COL6A6: variants seen among roughly 807,000 people sequenced by gnomAD.
The protein encoded by COL6A6 is collagen alpha-6(VI) chain.
COL6A6 carries 183 observed loss-of-function variants against 208.6 expected under a neutral mutation model. That is an observed-to-expected ratio of 0.88 (90% confidence interval 0.78 to 0.99). COL6A6 has a LOEUF of 0.99. Ranked by LOEUF, COL6A6 falls within the 50% of genes least tolerant of loss-of-function variation. The pLI is 0.00. For synonymous variants in COL6A6, 973 were observed against 1,011.8 expected (o/e 0.96, Z 0.73); for missense variants, 2,816 against 2,815.2 (o/e 1.00, Z -0.01).
chr3:130,620,402 T>A (rs7651359), intron 23 of COL6A6, among the ~76,000 whole-genome samples: 57,509 of 152,024 alleles, frequency 0.38, 14,250 homozygotes, highest in African/African-American at 0.68. Flanking sequence ...AGACCATGGT[T>A]ACTTGGTGTG....
At position 130,634,263 on chromosome 3, in the gene COL6A6, A is replaced by T. The variant is rs1295196378; in HGVS notation, c.4993-327A>T. 4.9e-5 allele frequency among the ~76,000 whole-genome samples: 3 copies of T among 60,870 alleles called. No individual in the cohort carries two copies. The African/African-American group carries it at 7.4e-4, about 15-fold the overall frequency. The allele number at this position is 60,870 out of a possible 152,430, so 39.9% of individuals were successfully genotyped here. ...TAAATAAAAAAAAAAAAAAAAAAAA[A>T]AAAGATCGTGTCAGAGACACATGGC... On this transcript the variant is annotated intron_variant, in intron 26 of 36. Transcript: ENST00000358511.
Position 130,581,778 on chromosome 3 carries a change from G to A in COL6A6, c.3765G>A (p.Glu1255=). 2.5e-6 allele frequency: 4 copies of A among 1,613,880 alleles called. No homozygotes were observed. The highest frequency in any genetic ancestry group is 2.2e-5 in the South Asian group (2 of 91,078). The change falls in exon 9 of 37, where the codon GAG becomes GAA. Residue 1255 remains glutamate (E), a synonymous_variant. Coordinates refer to ENST00000358511, the MANE Select transcript of COL6A6 (RefSeq NM_001102608.3). ...TGGAAAAATATTCTCCCAAGTTTGA[G>A]ATCTACAGTGAAAACATACTGAATA... ...NAMEKYSPKF[E]IYSENILNSL...
chr3:130,553,116 A>C (rs909278576), intron 1 of COL6A6, among the ~76,000 whole-genome samples: 1 of 151,902 alleles, frequency 6.6e-6, no homozygotes, highest in Admixed American at 6.6e-5. Context: ...TCTGATGACT[A>C]TGTGTCTTGG....
chr3:130,608,438 C>T (rs537909213), intron 21 of COL6A6, among the ~76,000 whole-genome samples: 1 of 152,168 alleles, frequency 6.6e-6, no homozygotes, highest in East Asian at 1.9e-4. Context: ...TAATTCTTGT[C>T]TGTGACAGAA....
At chr3:130,573,523 T>A (rs1372363898) in intron 7 of COL6A6, among the ~76,000 whole-genome samples, 1 of 151,778 alleles carries the variant, frequency 6.6e-6, no homozygotes, top group Non-Finnish European at 1.5e-5. Context: ...TAGCATAAGA[T>A]AAGAAACCAC....
rs2063437235 is a variant in COL6A6, at chr3:130,582,042, A to G, written c.3944A>G (p.Gln1315Arg). The G allele has an allele frequency of 3.7e-6, 6 of 1,605,822 alleles. No individual in the cohort carries two copies. The highest frequency in any genetic ancestry group is 5.1e-6 in the Non-Finnish European group (6 of 1,174,398). Residue 1315 changes from glutamine to arginine, a missense_variant, in exon 10 of 37, where the codon CAA becomes CGA. Gln to Arg is a conservative substitution (Grantham distance 43). Coordinates refer to ENST00000358511, the MANE Select transcript of COL6A6 (RefSeq NM_001102608.3). ...GATGATGATGTTGAGAAACTTGAAC[A>G]AAAATCTGATGAACTTAGAAAAGAA... is the stretch of plus-strand genomic sequence containing the variant. ...GLDDDVEKLEQKSDELRKEGL... is the reference protein window; with the variant it reads ...GLDDDVEKLERKSDELRKEGL...
At chr3:130,622,714 G>A (rs183024768) in intron 24 of COL6A6, among the ~76,000 whole-genome samples, 97 of 152,014 alleles carry the variant, frequency 6.4e-4, no homozygotes, top group African/African-American at 2.1e-3. Context: ...AAATTTAGCC[G>A]GGCGAGGTGG....
intron 22 of COL6A6, among the ~76,000 whole-genome samples, chr3:130,609,713 G>C (rs1249159234): frequency 1.3e-5 from 2 of 152,106 alleles, no homozygotes; most frequent in African/African-American, 4.8e-5. Context: ...GCATAGGCAG[G>C]ACAATCAACG....
rs764209870 is a variant in COL6A6 at position 130,581,667 on chromosome 3, A to G, written c.3654A>G (p.Leu1218=). ...TGGAAACCTACCTTCAAGACATCTT[A>G]CGTGCCATCAGCTCCCTCAATGGAG... is the stretch of plus-strand genomic sequence containing the variant. ...PWMETYLQDI[L]RAISSLNGVS... is the part of the protein sequence containing the mutation. Residue 1218 remains leucine, a synonymous_variant, in exon 9 of 37, where the codon TTA becomes TTG. Transcript: ENST00000358511. 4.8e-5 allele frequency: 77 copies of G among 1,613,892 alleles called. No individual in the cohort carries two copies. In the Admixed American group the frequency reaches 1.3e-3, roughly 27 times the overall value.
Position 130,591,187 on chromosome 3 carries a change from G to A in COL6A6, c.4272+93G>A, listed in dbSNP as rs140023656. ...CAATTCAGGGGGAAGCAAGAAAGGTGAGATTCTAAGGATTCGTGTACAGAA... is the reference window on the plus strand; with the variant it reads ...CAATTCAGGGGGAAGCAAGAAAGGTAAGATTCTAAGGATTCGTGTACAGAA... On this transcript the variant is annotated intron_variant, in intron 13 of 36. Transcript: ENST00000358511. The A allele has an allele frequency of 3.7e-3, 3,358 of 902,432 alleles. 13 individuals are homozygous for A. The highest frequency in any genetic ancestry group is 5.4e-3 in the Non-Finnish European group (3,013 of 562,636). The allele number at this position is 902,432 out of a possible 1,614,324, so 55.9% of individuals were successfully genotyped here.
At chr3:130,519,372 AATAT>A (rs777114067) in intron 1 of COL6A6, among the ~76,000 whole-genome samples, 4 of 152,180 alleles carry the variant, frequency 2.6e-5, no homozygotes, top group African/African-American at 4.8e-5. Flanking sequence ...ACCCCCTGCA[AATAT>A]ATAAAAGTGA....
chr3:130,638,412 C>T (rs2065216852), intron 28 of COL6A6, among the ~76,000 whole-genome samples: 1 of 152,216 alleles, frequency 6.6e-6, no homozygotes. Context: ...TTAATCCCAA[C>T]GCAGAGCCTT....
intron 1 of COL6A6, among the ~76,000 whole-genome samples, chr3:130,545,493 G>A (rs368519229): frequency 6.0e-4 from 83 of 138,506 alleles, no homozygotes; most frequent in South Asian, 3.8e-3. Context: ...CTCTCTTGTC[G>A]CCCAGGCTGG....
chr3:130,576,643 AT>A (rs1239527015), intron 8 of COL6A6, among the ~76,000 whole-genome samples: 1 of 136,652 alleles, frequency 7.3e-6, no homozygotes, highest in Non-Finnish European at 1.6e-5. Flanking sequence ...GTAATGAGTT[AT>A]TTTTTAAATA....
At chr3:130,549,939 T>C (rs2062605290) in intron 1 of COL6A6, among the ~76,000 whole-genome samples, 1 of 152,224 alleles carries the variant, frequency 6.6e-6, no homozygotes, top group African/African-American at 2.4e-5. Flanking sequence ...GCTAGTTTGA[T>C]AGGAATACCA....
Position 130,642,872 on chromosome 3 carries a change from G to A in COL6A6, c.5190+5G>A, listed in dbSNP as rs369574051. 123 of 1,613,800 alleles carry A rather than the reference G, an allele frequency of 7.6e-5. No individual in the cohort carries two copies. The highest frequency in any genetic ancestry group is 4.9e-4 in the African/African-American group (37 of 75,022). On this transcript the variant is annotated splice_donor_5th_base_variant and intron_variant, in intron 30 of 36. Transcript: ENST00000358511. ...AAAGGCTTGGCTTCATTTTCTGTAC[G>A]TATCTCCCGACTACAACAGAGTGCT...
intron 29 of COL6A6, 53 bp downstream of exon 29, chr3:130,641,767 AAGTC>A: frequency 2.8e-6 from 3 of 1,087,396 alleles, no homozygotes; most frequent in South Asian, 1.6e-5. Flanking sequence ...AAAAAAAAAA[AAGTC>A]AGTGCATGAA....
In COL6A6 at chr3:130,661,852, G is replaced by C; in HGVS notation, c.6046G>C (p.Ala2016Pro). 1 of 1,613,920 alleles carries C rather than the reference G, an allele frequency of 6.2e-7. No homozygotes were observed. The highest frequency in any genetic ancestry group is 1.1e-5 in the South Asian group (1 of 91,058). ...TGDRVALLSH[A>P]PPDFLPNTQK... ...AGACCGGGTGGCCCTATTGAGCCAT[G>C]CTCCCCCCGACTTCCTACCCAACAC... The change falls in exon 35 of 37, where the codon GCT (alanine) becomes CCT (proline). Residue 2016 changes from alanine to proline, a missense_variant. Physicochemically the swap from Ala to Pro is conservative, Grantham distance 27. Transcript: ENST00000358511.
chr3:130,590,830 G>A (rs2063695116), intron 12 of COL6A6, among the ~76,000 whole-genome samples: 1 of 151,784 alleles, frequency 6.6e-6, no homozygotes, highest in Non-Finnish European at 1.5e-5. Context: ...GCCTCCCAAA[G>A]TGCTGGAATT....
Sources: allele counts gnomAD v4.1 joint callset (sites outside exome capture counted in the v4.1 genomes callset), GRCh38; gene constraint gnomAD v4.1.1; transcripts MANE v1.5; gene names NCBI Gene and HGNC (gene_info 2026-07-23, HGNC 2026-07-21).